Variants in MACROD2 observed in about 807,000 individuals in gnomAD.
MACROD2 encodes the protein ADP-ribose glycohydrolase MACROD2.
MACROD2 carries 36 observed loss-of-function variants against 70.4 expected under a neutral mutation model. The observed-to-expected ratio is 0.51, with a 90% CI of 0.39 to 0.68. The LOEUF is 0.68. Among genes scored for constraint, MACROD2 ranks in the 30% least tolerant of loss-of-function variants. The pLI is 0.00. For missense variants in MACROD2, 496 were observed against 538.4 expected (o/e 0.92, Z 0.78); for synonymous variants, 172 against 178.8 (o/e 0.96, Z 0.30).
At chr20:15,866,740 T>C (rs912688641) in intron 9 of MACROD2, among the ~76,000 whole-genome samples, 1 of 152,190 alleles carries the variant, frequency 6.6e-6, no homozygotes, top group African/African-American at 2.4e-5. Context: ...CTTCTTCTAG[T>C]ACCTATAAAT....
At chr20:15,166,202 T>C (rs955177316) in intron 5 of MACROD2, among the ~76,000 whole-genome samples, 2 of 152,188 alleles carry the variant, frequency 1.3e-5, no homozygotes, top group Non-Finnish European at 2.9e-5. Flanking sequence ...CACTGGATTT[T>C]ACTACAGTGG....
rs182312855 is a variant in MACROD2, at chr20:15,109,738, G to A, written c.419-120202G>A. Among the ~76,000 whole-genome samples, 69 of 152,232 alleles carry A rather than the reference G, an allele frequency of 4.5e-4. No individual in the cohort carries two copies. In the East Asian group the frequency reaches 8.7e-3, roughly 19 times the overall value. On this transcript the variant is annotated intron_variant, in intron 5 of 17. Coordinates refer to ENST00000684519, the MANE Select transcript of MACROD2 (RefSeq NM_001351661.2). ...ACGTGCACAATCACCTGTTGAATGC[G>A]CTCAGGAACTTTGCAGTTGACCTAC...
intron 5 of MACROD2, among the ~76,000 whole-genome samples, chr20:14,939,467 G>A (rs995138038): frequency 3.3e-5 from 5 of 151,988 alleles, no homozygotes; most frequent in Admixed American, 3.3e-4. Flanking sequence ...TTTTGTCCCA[G>A]CATCATGCTG....
intron 5 of MACROD2, among the ~76,000 whole-genome samples, chr20:14,829,905 C>A (rs916909011): frequency 6.6e-6 from 1 of 151,850 alleles, no homozygotes; most frequent in Non-Finnish European, 1.5e-5. Flanking sequence ...CTATTATTTC[C>A]CTAGAAGTTC....
At chr20:15,283,790 A>C (rs1290179853) in intron 6 of MACROD2, among the ~76,000 whole-genome samples, 1 of 152,236 alleles carries the variant, frequency 6.6e-6, no homozygotes, top group African/African-American at 2.4e-5. Context: ...TACACAACCC[A>C]GTGAGTTCTC....
chr20:14,629,595 T>C (rs962324815), intron 4 of MACROD2, among the ~76,000 whole-genome samples: 5 of 152,184 alleles, frequency 3.3e-5, no homozygotes, highest in African/African-American at 1.2e-4. Context: ...ATGTAATGAT[T>C]GTGAAGCTGT....
At chr20:15,338,053 T>G (rs560226990) in intron 6 of MACROD2, among the ~76,000 whole-genome samples, 1 of 151,696 alleles carries the variant, frequency 6.6e-6, no homozygotes, top group South Asian at 2.1e-4. Context: ...GTGGCCTTCA[T>G]TTTTATTTAT....
intron 2 of MACROD2, among the ~76,000 whole-genome samples, chr20:14,058,885 G>A (rs2053661536): frequency 6.6e-6 from 1 of 151,872 alleles, no homozygotes; most frequent in Non-Finnish European, 1.5e-5. Context: ...CTCATGATCC[G>A]CCCATCTCAG....
At chr20:14,736,055 C>A (rs1435240717) in intron 5 of MACROD2, among the ~76,000 whole-genome samples, 1 of 151,852 alleles carries the variant, frequency 6.6e-6, no homozygotes, top group Non-Finnish European at 1.5e-5. Context: ...TCATAATAGC[C>A]AAAAGGTAGA....
At chr20:14,512,217 G>C (rs2085038846) in intron 4 of MACROD2, among the ~76,000 whole-genome samples, 1 of 152,108 alleles carries the variant, frequency 6.6e-6, no homozygotes. Flanking sequence ...AACATAAGGG[G>C]AAACTTGAGA....
intron 5 of MACROD2, among the ~76,000 whole-genome samples, chr20:15,151,740 T>C (rs1339001844): frequency 6.6e-6 from 1 of 152,016 alleles, no homozygotes; most frequent in African/African-American, 2.4e-5. Context: ...ACTATGTCTT[T>C]AGCTCTAGCC....
At chr20:15,895,256 A>G (rs147535175) in intron 10 of MACROD2, among the ~76,000 whole-genome samples, 45 of 152,326 alleles carry the variant, frequency 3.0e-4, no homozygotes, top group African/African-American at 1.0e-3. Context: ...ACTCAATAAT[A>G]CAGCTTCACC....
chr20:14,668,375 G>A (rs1026194388), intron 4 of MACROD2, among the ~76,000 whole-genome samples: 9 of 152,052 alleles, frequency 5.9e-5, no homozygotes, highest in African/African-American at 1.4e-4. Flanking sequence ...TGGATAATTC[G>A]CTCCATTTAC....
At chr20:14,721,026 G>A (rs2071462128) in intron 5 of MACROD2, among the ~76,000 whole-genome samples, 1 of 151,930 alleles carries the variant, frequency 6.6e-6, no homozygotes, top group Admixed American at 6.6e-5. Flanking sequence ...AGGCCGAGGC[G>A]GGTGGGTTGC....
At chr20:15,421,464 T>A (rs73270914) in intron 6 of MACROD2, among the ~76,000 whole-genome samples, 3,792 of 152,288 alleles carry the variant, frequency 0.025, 163 homozygotes, top group African/African-American at 0.084. Flanking sequence ...TTCATCAATG[T>A]GGCAGTAGTT....
At chr20:15,383,733 C>T (rs1018716416) in intron 6 of MACROD2, among the ~76,000 whole-genome samples, 12 of 152,082 alleles carry the variant, frequency 7.9e-5, no homozygotes, top group African/African-American at 2.9e-4. Context: ...GATATGTGTT[C>T]CCTTTTGAAA....
chr20:15,768,676 T>C (rs2051569345), intron 8 of MACROD2, among the ~76,000 whole-genome samples: 1 of 152,280 alleles, frequency 6.6e-6, no homozygotes, highest in Non-Finnish European at 1.5e-5. Flanking sequence ...GATTTTTAAC[T>C]TAATTTTAAC....
chr20:15,999,000 A>G (rs1420433256), intron 15 of MACROD2, among the ~76,000 whole-genome samples: 1 of 152,080 alleles, frequency 6.6e-6, no homozygotes, highest in Non-Finnish European at 1.5e-5. Context: ...ATGAGAGATT[A>G]GAGATTTCAG....
intron 3 of MACROD2, among the ~76,000 whole-genome samples, chr20:14,087,913 T>C (rs889441028): frequency 2.6e-5 from 4 of 152,084 alleles, no homozygotes; most frequent in African/African-American, 9.7e-5. Flanking sequence ...AAGAGAGATA[T>C]ATATACACAT....
Sources: gnomAD v4.1 joint callset for allele counts (sites outside exome capture counted in the v4.1 genomes callset) on GRCh38, gnomAD v4.1.1 for gene constraint, MANE v1.5 for transcripts, NCBI Gene and HGNC (gene_info 2026-07-23, HGNC 2026-07-21) for gene names.